Variants in TBC1D12 observed in about 807,000 individuals in gnomAD.
TBC1D12 encodes the protein TBC1 domain family, member 12.
A neutral mutation model predicts 86.7 loss-of-function variants in TBC1D12; 56 were observed. That is an observed-to-expected ratio of 0.65 (90% CI 0.52 to 0.81). TBC1D12 has a LOEUF of 0.81. Ranked by LOEUF, TBC1D12 falls within the 30% of genes least tolerant of loss-of-function variation. TBC1D12 has a pLI of 0.00. For missense variants in TBC1D12, 1,023 were observed against 1,038.8 expected, an observed-to-expected ratio of 0.98 and a Z score of 0.21; for synonymous variants, 421 against 411.7, an observed-to-expected ratio of 1.02 and a Z score of -0.27.
chr10:94,477,792 G>C (rs560544643), intron 3 of TBC1D12, among the ~76,000 whole-genome samples: 1 of 152,334 alleles, frequency 6.6e-6, no homozygotes, highest in African/African-American at 2.4e-5. Flanking sequence ...CCAGGCCCCA[G>C]ATTGATTCTG....
chr10:94,530,151 C>T lies in TBC1D12; in HGVS notation c.2001-1051C>T, dbSNP rs535122078. Among the ~76,000 whole-genome samples the T allele has an allele frequency of 9.8e-5, 15 of 152,288 alleles. 1 individual carries two copies. In the South Asian group the frequency reaches 3.1e-3, roughly 32 times the overall value. ...CCCCATCAGCACTACCTCAAATAAA[C>T]ACACAATCAGTGTAAACAATTGTAT... On this transcript the variant is annotated intron_variant, in intron 11 of 12. Transcript: ENST00000225235.
intron 3 of TBC1D12, among the ~76,000 whole-genome samples, chr10:94,484,952 A>G (rs2056137643): frequency 6.6e-6 from 1 of 152,054 alleles, no homozygotes; most frequent in Non-Finnish European, 1.5e-5. Context: ...TTGATTTTTT[A>G]TCCTGCAACT....
intron 2 of TBC1D12, among the ~76,000 whole-genome samples, chr10:94,463,196 C>T (rs2055755477): frequency 6.6e-6 from 1 of 152,104 alleles, no homozygotes; most frequent in African/African-American, 2.4e-5. Flanking sequence ...GATATGTTTT[C>T]ATAAATGATT....
At position 94,403,438 on chromosome 10, in the gene TBC1D12, C is replaced by G; in HGVS notation, c.825C>G (p.Asn275Lys). 1 of 1,548,758 alleles carries G rather than the reference C, an allele frequency of 6.5e-7. No individual in the cohort carries two copies. Among genetic ancestry groups the G allele is most frequent in the Non-Finnish European group, 8.7e-7 (1 of 1,147,292 alleles). The change falls in exon 1 of 13, where the codon AAC becomes AAG. Residue 275 changes from asparagine to lysine, a missense_variant. Around this residue, in one of 2 missense-constraint regions of TBC1D12, gnomAD observed 628 missense variants for 531.1 expected, o/e 1.18. Coordinates refer to ENST00000225235, the MANE Select transcript of TBC1D12 (RefSeq NM_015188.2). Reference protein sequence around the residue: ...GFSDIHFNSRNTFQVSRGQSA... With the variant: ...GFSDIHFNSRKTFQVSRGQSA... ...CTGACATTCACTTCAACTCTCGCAA[C>G]ACGTTCCAGGTGAGCCGCGGTCAGA...
At chr10:94,499,910 G>A (rs1469473605) in intron 5 of TBC1D12, among the ~76,000 whole-genome samples, 1 of 152,098 alleles carries the variant, frequency 6.6e-6, no homozygotes, top group Non-Finnish European at 1.5e-5. Context: ...TGCTGAATTG[G>A]TGATACATTT....
At chr10:94,468,851 C>T (rs2055861229) in intron 2 of TBC1D12, among the ~76,000 whole-genome samples, 1 of 152,050 alleles carries the variant, frequency 6.6e-6, no homozygotes, top group Admixed American at 6.6e-5. Flanking sequence ...ATTTTTTTCC[C>T]TTTCTTTGCT....
chr10:94,417,543 G>A (rs779003833), intron 1 of TBC1D12, among the ~76,000 whole-genome samples: 5 of 152,024 alleles, frequency 3.3e-5, no homozygotes, highest in East Asian at 3.9e-4. Context: ...TTGATGTTGC[G>A]GATCAGAAAG....
chr10:94,480,695 A>AT (rs974485768), intron 3 of TBC1D12, among the ~76,000 whole-genome samples: 33 of 150,384 alleles, frequency 2.2e-4, no homozygotes, highest in African/African-American at 7.5e-4. Flanking sequence ...CTACAAAAAA[A>AT]ATATATATAT....
chr10:94,466,551 C>A (rs1317772612), intron 2 of TBC1D12, among the ~76,000 whole-genome samples: 1 of 152,054 alleles, frequency 6.6e-6, no homozygotes, highest in Admixed American at 6.6e-5. Flanking sequence ...TCCTTAAAAT[C>A]ACTGGCACAC....
At chr10:94,433,080 C>T (rs2055240842) in intron 1 of TBC1D12, among the ~76,000 whole-genome samples, 1 of 151,990 alleles carries the variant, frequency 6.6e-6, no homozygotes, top group South Asian at 2.1e-4. Flanking sequence ...TGGTGTGCAC[C>T]CATAGTCCCA....
intron 1 of TBC1D12, among the ~76,000 whole-genome samples, chr10:94,426,097 A>C (rs1433330918): frequency 1.3e-5 from 2 of 152,130 alleles, no homozygotes; most frequent in Admixed American, 6.5e-5. Context: ...TGCTGTCTGC[A>C]AATAAGAGAA....
chr10:94,506,504 T>G (rs886840135), intron 6 of TBC1D12, among the ~76,000 whole-genome samples: 57 of 152,220 alleles, frequency 3.7e-4, no homozygotes, highest in African/African-American at 1.3e-3. Context: ...AATGTCCTAT[T>G]TTTATGTAGT....
rs2055508193 is a variant in TBC1D12, at chr10:94,448,780, G to A, written c.1095+6761G>A. On this transcript the variant is annotated intron_variant, in intron 2 of 12. Coordinates refer to ENST00000225235, the MANE Select transcript of TBC1D12 (RefSeq NM_015188.2). ...AGGCATGTGCCACCATGCCTGGCCC[G>A]AAAAGTTTAAAAAATTGTTACACTC... Among the ~76,000 whole-genome samples, 4 of 152,094 alleles carry A rather than the reference G, an allele frequency of 2.6e-5. 1 individual carries two copies. Among genetic ancestry groups the A allele is most frequent in the South Asian group, 4.1e-4 (2 of 4,828 alleles).
intron 6 of TBC1D12, among the ~76,000 whole-genome samples, chr10:94,504,156 AT>A (rs1185777779): frequency 6.6e-6 from 1 of 152,210 alleles, no homozygotes; most frequent in Admixed American, 6.5e-5. Flanking sequence ...ACATACTGTA[AT>A]TGTTTAAAGT....
At chr10:94,505,332 A>C (rs2056446530) in intron 6 of TBC1D12, among the ~76,000 whole-genome samples, 1 of 152,200 alleles carries the variant, frequency 6.6e-6, no homozygotes, top group Admixed American at 6.5e-5. Context: ...TAATCCTAGC[A>C]CTTTGGGAGG....
chr10:94,526,922 A>G (rs572239293), intron 11 of TBC1D12, among the ~76,000 whole-genome samples: 131 of 152,272 alleles, frequency 8.6e-4, no homozygotes, highest in African/African-American at 2.7e-3. Context: ...GATAATAGCT[A>G]TCCTAACTGG....
chr10:94,502,575 A>G (rs1039810584), intron 6 of TBC1D12, among the ~76,000 whole-genome samples: 2 of 151,768 alleles, frequency 1.3e-5, no homozygotes, highest in Non-Finnish European at 2.9e-5. Context: ...GGCAGCCCGC[A>G]TGTGGTCACA....
intron 1 of TBC1D12, among the ~76,000 whole-genome samples, chr10:94,404,878 C>G (rs1008493452): frequency 6.6e-6 from 1 of 151,904 alleles, no homozygotes; most frequent in Admixed American, 6.6e-5. Flanking sequence ...GAAACCCCGT[C>G]TCTACTAAAA....
intron 11 of TBC1D12, among the ~76,000 whole-genome samples, chr10:94,524,284 A>C (rs1387628459): frequency 6.6e-6 from 1 of 152,186 alleles, no homozygotes; most frequent in Non-Finnish European, 1.5e-5. Context: ...CTCCTCTCAC[A>C]TTCCACTGGC....
Sources: gnomAD v4.1 joint callset for allele counts (sites outside exome capture counted in the v4.1 genomes callset) on GRCh38, gnomAD v4.1.1 for gene constraint, gnomAD v4.1.1 regional missense constraint, MANE v1.5 for transcripts, NCBI Gene and HGNC (gene_info 2026-07-23, HGNC 2026-07-21) for gene names.